SLC38A12: variants seen among roughly 807,000 people sequenced by gnomAD.
The protein encoded by SLC38A12 is solute carrier family 38 member 12.
At chr17:74,794,954 A>G in the SLC38A12 span, 7 of 1,457,456 alleles carry the variant, frequency 4.8e-6, no homozygotes, top group South Asian at 2.4e-5. Flanking sequence ...GAAGAAAAAA[A>G]AAAAAACATG....
At chr17:74,836,219 CTT>C in the SLC38A12 span, 1 of 1,611,778 alleles carries the variant, frequency 6.2e-7, no homozygotes. The surrounding 1 kb of genome is among the most constrained non-coding windows in gnomAD (Gnocchi z 4.2). Flanking sequence ...ACACCCTCAA[CTT>C]CGCGCGCTGT....
chr17:74,821,624 A>G, the SLC38A12 span, among the ~76,000 whole-genome samples: 3 of 152,310 alleles, frequency 2.0e-5, no homozygotes, highest in Non-Finnish European at 2.9e-5. Flanking sequence ...CTCTGCTTAT[A>G]TGAAGTATTT....
chr17:74,826,276 C>G, the SLC38A12 span, among the ~76,000 whole-genome samples: 2 of 152,220 alleles, frequency 1.3e-5, no homozygotes, highest in African/African-American at 4.8e-5. Context: ...TCCAGAGGCT[C>G]AGACACTTGC....
the SLC38A12 span, among the ~76,000 whole-genome samples, chr17:74,826,090 C>CCAG: frequency 6.6e-6 from 1 of 152,234 alleles, no homozygotes; most frequent in Non-Finnish European, 1.5e-5. Context: ...GATTAGTCAG[C>CCAG]CAGCAGCCAG....
the SLC38A12 span, among the ~76,000 whole-genome samples, chr17:74,801,080 C>T: frequency 6.6e-6 from 1 of 152,182 alleles, no homozygotes; most frequent in African/African-American, 2.4e-5. Context: ...GTGTTGCTTC[C>T]AGGGTCGGGG....
At chr17:74,807,815 G>A in the SLC38A12 span, among the ~76,000 whole-genome samples, 2 of 152,088 alleles carry the variant, frequency 1.3e-5, no homozygotes, top group Non-Finnish European at 1.5e-5. Flanking sequence ...ACAGCTTTGC[G>A]CACACATGCC....
At chr17:74,816,847 T>A in the SLC38A12 span, among the ~76,000 whole-genome samples, 1 of 152,284 alleles carries the variant, frequency 6.6e-6, no homozygotes, top group African/African-American at 2.4e-5. Context: ...TAATGTCATA[T>A]GGGCTAGACT....
the SLC38A12 span, among the ~76,000 whole-genome samples, chr17:74,834,871 G>A: frequency 6.6e-6 from 1 of 152,252 alleles, no homozygotes; most frequent in Non-Finnish European, 1.5e-5. Context: ...CTCCGTGTGT[G>A]AGTAGCTAAC....
At chr17:74,825,030 C>G in the SLC38A12 span, among the ~76,000 whole-genome samples, 1 of 152,226 alleles carries the variant, frequency 6.6e-6, no homozygotes, top group Non-Finnish European at 1.5e-5. Context: ...CACCGGCAGC[C>G]AGGGGTCTCG....
chr17:74,804,462 G>A, the SLC38A12 span, among the ~76,000 whole-genome samples: 2 of 152,240 alleles, frequency 1.3e-5, no homozygotes, highest in Admixed American at 6.5e-5. Flanking sequence ...CGAGGGACTC[G>A]GCTATGATGG....
At chr17:74,810,901 T>C in the SLC38A12 span, among the ~76,000 whole-genome samples, 1 of 152,250 alleles carries the variant, frequency 6.6e-6, no homozygotes, top group African/African-American at 2.4e-5. Context: ...CTGACACGGC[T>C]CCTGCTCTCT....
the SLC38A12 span, among the ~76,000 whole-genome samples, chr17:74,786,032 T>C: frequency 6.6e-6 from 1 of 152,224 alleles, no homozygotes; most frequent in Non-Finnish European, 1.5e-5. Flanking sequence ...AATTTAGAAT[T>C]TACTTAAGGT....
chr17:74,796,477 A>G, the SLC38A12 span, among the ~76,000 whole-genome samples: 1 of 152,164 alleles, frequency 6.6e-6, no homozygotes, highest in Non-Finnish European at 1.5e-5. Context: ...CATTATCCCT[A>G]TCTGAGGAAA....
chr17:74,825,941 G>A, the SLC38A12 span, among the ~76,000 whole-genome samples: 2 of 152,176 alleles, frequency 1.3e-5, no homozygotes, highest in Non-Finnish European at 2.9e-5. Flanking sequence ...ATCCTTGCTC[G>A]GTGCCACCTT....
the SLC38A12 span, among the ~76,000 whole-genome samples, chr17:74,818,209 T>A: frequency 6.6e-6 from 1 of 152,128 alleles, no homozygotes; most frequent in African/African-American, 2.4e-5. Context: ...TGTCCACTGC[T>A]TTTGTAAGGA....
At chr17:74,820,379 G>T in the SLC38A12 span, among the ~76,000 whole-genome samples, 1 of 152,202 alleles carries the variant, frequency 6.6e-6, no homozygotes, top group African/African-American at 2.4e-5. Flanking sequence ...TCTAACCAAC[G>T]GACACTGTGC....
the SLC38A12 span, chr17:74,839,236 C>A: frequency 7.1e-7 from 1 of 1,415,988 alleles, no homozygotes; most frequent in Non-Finnish European, 9.3e-7. Context: ...TGGGCAGTGG[C>A]ACCATGACGG....
the SLC38A12 span, chr17:74,777,760 A>G: frequency 1.0e-5 from 5 of 485,048 alleles, no homozygotes; most frequent in Non-Finnish European, 1.8e-5. Context: ...TCTCTACTAA[A>G]AATACAAAAT....
chr17:74,803,679 T>C, the SLC38A12 span, among the ~76,000 whole-genome samples: 1 of 152,180 alleles, frequency 6.6e-6, no homozygotes, highest in South Asian at 2.1e-4. Context: ...GGGCTGATCC[T>C]GGCCACTGAC....
Sources: gnomAD v4.1 joint callset for allele counts (sites outside exome capture counted in the v4.1 genomes callset) on GRCh38, gnomAD v4.1.1 for gene constraint, Gnocchi (gnomAD v3.1) non-coding constraint, MANE v1.5 for transcripts, NCBI Gene and HGNC (gene_info 2026-07-23, HGNC 2026-07-21) for gene names.